The following GOLGA2 variants were observed in gnomAD, a reference collection of about 807,000 sequenced individuals.
GOLGA2 encodes the protein golgin subfamily A member 2.
A neutral mutation model predicts 148.8 loss-of-function variants in GOLGA2; 49 were observed. The observed-to-expected ratio is 0.33, with a 90% CI of 0.26 to 0.42. The LOEUF is 0.42. Ranked by LOEUF, GOLGA2 falls within the 10% of genes least tolerant of loss-of-function variation. The probability of loss-of-function intolerance (pLI) is 1.00; values close to 1 mark genes in which losing one functional copy is unlikely to be tolerated. For missense variants in GOLGA2, 1,178 were observed against 1,304.6 expected, an observed-to-expected ratio of 0.90 and a Z score of 1.49; for synonymous variants, 501 against 511.8, an observed-to-expected ratio of 0.98 and a Z score of 0.28.
At position 128,271,706 on chromosome 9, in the gene GOLGA2, T is replaced by TC. The variant is rs916441183; in HGVS notation, c.288+1078dup. 6.6e-5 allele frequency among the ~76,000 whole-genome samples: 10 copies of TC among 151,784 alleles called. No individual in the cohort carries two copies. The highest frequency in any genetic ancestry group is 2.2e-4 in the African/African-American group (9 of 41,302). Reference sequence around the variant, plus strand: ...GCCTGGAGTCCATTTGGAACCAACCTCCCCCCGAGCTGAGCATTTGGAATG... The same window carrying TC: ...GCCTGGAGTCCATTTGGAACCAACCTCCCCCCCGAGCTGAGCATTTGGAATG... On this transcript the variant is annotated intron_variant, in intron 3 of 26. Coordinates refer to ENST00000611957, the MANE Select transcript of GOLGA2 (RefSeq NM_001366244.2). The surrounding 1 kb of genome is among the most constrained non-coding windows in gnomAD (Gnocchi z 4.4).
intron 4 of GOLGA2, 65 bp from the exon 5 acceptor site, chr9:128,268,225 G>C (rs1174992570): frequency 7.1e-7 from 1 of 1,410,542 alleles, no homozygotes; most frequent in Admixed American, 1.7e-5. Flanking sequence ...AGGATGGGGT[G>C]AGTCAAGCTC....
At position 128,266,403 on chromosome 9, in the gene GOLGA2, G is replaced by A; in HGVS notation, c.643-78C>T. On this transcript the variant is annotated intron_variant, in intron 8 of 26. Coordinates refer to ENST00000611957, the MANE Select transcript of GOLGA2 (RefSeq NM_001366244.2). This position sits in a 1 kb window ranked among gnomAD's most constrained non-coding sequence, Gnocchi z 4.2. ...TCCCCAGACCAGGAACGGGTAGGCA[G>A]GGGCCAGGAATGGATTTTAAAGGCA... 3 of 1,301,606 alleles carry A rather than the reference G, an allele frequency of 2.3e-6. No individual in the cohort carries two copies. In the South Asian group the frequency reaches 3.5e-5, roughly 15 times the overall value. The allele number at this position is 1,301,606 out of a possible 1,614,324, so 80.6% of individuals were successfully genotyped here. A position where few individuals can be genotyped will look rare whatever the true frequency, so the allele number is the denominator to read the frequency against.
In GOLGA2 at chr9:128,275,935, C is replaced by T; in HGVS notation, c.42G>A (p.Ser14=). ...QPRLPPRPAM[S]EETRQSKLAA... ...CCAATTTGCTCTGTCGGGTTTCTTC[C>T]GACATCGCGGGGCGGGGAGGGAGGC... is the stretch of plus-strand genomic sequence containing the variant. Residue 14 remains serine, a synonymous_variant, in exon 1 of 27, where the codon TCG becomes TCA. Coordinates refer to ENST00000611957, the MANE Select transcript of GOLGA2 (RefSeq NM_001366244.2). The T allele has an allele frequency of 3.1e-6, 5 of 1,593,734 alleles. No individual in the cohort carries two copies. Among genetic ancestry groups the T allele is most frequent in the Non-Finnish European group, 4.3e-6 (5 of 1,171,538 alleles).
Position 128,257,088 on chromosome 9 carries a change from CTCA to C in GOLGA2, c.3066_3068del (p.Asp1022del), listed in dbSNP as rs1281807636. Reference sequence around the variant, plus strand: ...GCTTTTAGATGACAGTGATCTTCACCTCATCATTCTCGTCAGCCCGGTAAAAAA... The same window carrying C: ...GCTTTTAGATGACAGTGATCTTCACCTCATTCTCGTCAGCCCGGTAAAAAA... On this transcript the variant is annotated inframe_deletion, in exon 27 of 27. Coordinates refer to ENST00000611957, the MANE Select transcript of GOLGA2 (RefSeq NM_001366244.2). The surrounding 1 kb of genome is among the most constrained non-coding windows in gnomAD (Gnocchi z 8.0). The C allele has an allele frequency of 6.2e-7, 1 of 1,613,488 alleles. No individual in the cohort carries two copies. Among genetic ancestry groups the C allele is most frequent in the Admixed American group, 1.7e-5 (1 of 59,980 alleles).
intron 2 of GOLGA2, chr9:128,273,598 A>C (rs1831094237): frequency 3.7e-6 from 2 of 539,658 alleles, no homozygotes; most frequent in Admixed American, 6.8e-5. Flanking sequence ...CTAGGGATTA[A>C]CATAAAAACA....
At position 128,259,229 on chromosome 9, in the gene GOLGA2, G is replaced by C; in HGVS notation, c.2035C>G (p.Gln679Glu). 1 of 1,594,686 alleles carries C rather than the reference G, an allele frequency of 6.3e-7. No individual in the cohort carries two copies. The highest frequency in any genetic ancestry group is 8.5e-7 in the Non-Finnish European group (1 of 1,170,990). ...LQTQLVDQLQ[Q>E]QEAQGKAVAE... ...ACCGCTTTGCCCTGAGCTTCCTGCT[G>C]CTGCAGCTGGTCCACGAGCTGGGTC... The change falls in exon 20 of 27, where the codon CAG becomes GAG. Residue 679 changes from glutamine (Q) to glutamate (E), a missense_variant. Physicochemically the swap from Gln to Glu is conservative, Grantham distance 29. Transcript: ENST00000611957.
rs972646356 is a variant in GOLGA2 at position 128,261,989 on chromosome 9, A to C, written c.1135-232T>G. 1 of 516,690 alleles carries C rather than the reference A, an allele frequency of 1.9e-6. No individual in the cohort carries two copies. The allele number at this position is 516,690 out of a possible 1,614,324, so 32.0% of individuals were successfully genotyped here. A position where few individuals can be genotyped will look rare whatever the true frequency, so the allele number is the denominator to read the frequency against. On this transcript the variant is annotated intron_variant, in intron 14 of 26. Coordinates refer to ENST00000611957, the MANE Select transcript of GOLGA2 (RefSeq NM_001366244.2). This position sits in a 1 kb window ranked among gnomAD's most constrained non-coding sequence, Gnocchi z 5.7. The stretch of plus-strand genomic sequence containing the variant: ...GAGGCTGAGGTGGGTGGATTGCTTG[A>C]GCTCAGGAGTTCAAGACCAACCTCG...
At chr9:128,262,903 C>A (rs144307788) in intron 13 of GOLGA2, 131 bp downstream of exon 13, 195 of 816,430 alleles carry the variant, frequency 2.4e-4, no homozygotes, top group Non-Finnish European at 3.6e-4. Context: ...ACAGCTGGCA[C>A]TAGAGCTTTG....
Position 128,266,169 on chromosome 9 carries a change from G to T in GOLGA2, c.681+118C>A, listed in dbSNP as rs913528018. Reference sequence around the variant, plus strand: ...ACCCTGTGGGGATGGGGTGGAATCTGGGGGGGTGAGCCTTCTTCCCCAGGC... The same window carrying T: ...ACCCTGTGGGGATGGGGTGGAATCTTGGGGGGTGAGCCTTCTTCCCCAGGC... On this transcript the variant is annotated intron_variant, in intron 9 of 26. Coordinates refer to ENST00000611957, the MANE Select transcript of GOLGA2 (RefSeq NM_001366244.2). The surrounding 1 kb of genome is among the most constrained non-coding windows in gnomAD (Gnocchi z 4.2). The T allele has an allele frequency of 7.4e-7, 1 of 1,350,242 alleles. No homozygotes were observed. The highest frequency in any genetic ancestry group is 1.1e-6 in the Non-Finnish European group (1 of 941,404). 83.6% of individuals were successfully genotyped at this position (1,350,242 alleles called of 1,614,324 possible). A position where few individuals can be genotyped will look rare whatever the true frequency, so the allele number is the denominator to read the frequency against.
At chr9:128,265,903 A>G in intron 10 of GOLGA2, 22 bp from the exon 11 acceptor site, 2 of 1,607,396 alleles carry the variant, frequency 1.2e-6, no homozygotes, top group East Asian at 2.2e-5. Context: ...AACCCAAGCA[A>G]GTGCTGAAAA....
rs1356344265 is a variant in GOLGA2 at position 128,258,015 on chromosome 9, G to T, written c.2473C>A (p.His825Asn). ...TCCATGGCCCCCTGCAGGGCCCGGTGGGTCTCCCCACACACAGAATCACCC... is the reference window on the plus strand; with the variant it reads ...TCCATGGCCCCCTGCAGGGCCCGGTTGGTCTCCCCACACACAGAATCACCC... ...TGGDSVCGET[H>N]RALQGAMEKL... Residue 825 changes from histidine (H) to asparagine (N), a missense_variant, in exon 23 of 27, where the codon CAC becomes AAC. His to Asn is a moderately conservative substitution (Grantham distance 68). This residue lies in a region of GOLGA2 where 529 missense variants were observed against 521.8 expected (regional missense o/e 1.01). Transcript: ENST00000611957. This position sits in a 1 kb window ranked among gnomAD's most constrained non-coding sequence, Gnocchi z 6.6. 2 of 1,610,014 alleles carry T rather than the reference G, an allele frequency of 1.2e-6. No homozygotes were observed. Among genetic ancestry groups the T allele is most frequent in the Non-Finnish European group, 1.7e-6 (2 of 1,177,876 alleles).
rs1199955688 is a variant in GOLGA2, at chr9:128,258,440, G to A, written c.2289+15C>T. ...AGGGAGGCAGCAAAGGTTGGGGAGGGGGAGTCAGCCTCACCATGGCTTCCC... is the reference window on the plus strand; with the variant it reads ...AGGGAGGCAGCAAAGGTTGGGGAGGAGGAGTCAGCCTCACCATGGCTTCCC... On this transcript the variant is annotated intron_variant, in intron 22 of 26. Coordinates refer to ENST00000611957, the MANE Select transcript of GOLGA2 (RefSeq NM_001366244.2). The surrounding 1 kb of genome is among the most constrained non-coding windows in gnomAD (Gnocchi z 6.6). The A allele has an allele frequency of 1.2e-6, 2 of 1,600,086 alleles. No homozygotes were observed. Among genetic ancestry groups the A allele is most frequent in the Non-Finnish European group, 1.7e-6 (2 of 1,167,754 alleles).
Position 128,256,998 on chromosome 9 carries a change from T to G in GOLGA2, c.*69A>C. On this transcript the variant is annotated 3_prime_UTR_variant, in exon 27 of 27. Transcript: ENST00000611957. ...GGGTAAAGGGTTGACTGAGAAGGGA[T>G]GGTAGGGATATGGTGGGGGCAGGGT... The G allele has an allele frequency of 8.8e-7, 1 of 1,136,616 alleles. No individual in the cohort carries two copies. The highest frequency in any genetic ancestry group is 1.3e-6 in the Non-Finnish European group (1 of 765,436). The allele number at this position is 1,136,616 out of a possible 1,614,324, so 70.4% of individuals were successfully genotyped here.
chr9:128,257,451 C>A lies in GOLGA2; in HGVS notation c.2793G>T (p.Leu931=). 1.9e-6 allele frequency: 3 copies of A among 1,613,070 alleles called. No homozygotes were observed. The highest frequency in any genetic ancestry group is 2.5e-6 in the Non-Finnish European group (3 of 1,180,004). The change falls in exon 26 of 27, where the codon CTG becomes CTT. Residue 931 remains leucine (L), a synonymous_variant. Transcript: ENST00000611957. This position sits in a 1 kb window ranked among gnomAD's most constrained non-coding sequence, Gnocchi z 8.0. ...GDRNEWHGRF[L]AAAQNPADEP... ...CATCAGCAGGGTTCTGGGCAGCTGC[C>A]AGGAATCTGCCATGCCACTCGTTGC...
Position 128,261,093 on chromosome 9 carries a change from A to G in GOLGA2, c.1420+79T>C. On this transcript the variant is annotated intron_variant, in intron 17 of 26. Transcript: ENST00000611957. This position sits in a 1 kb window ranked among gnomAD's most constrained non-coding sequence, Gnocchi z 5.7. ...GCCTCAAAGCCATTCCATCCACCCA[A>G]CTCCCTGGGGCATTCTAAACCACCC... is the stretch of plus-strand genomic sequence containing the variant. The G allele has an allele frequency of 3.1e-6, 3 of 969,970 alleles. No individual in the cohort carries two copies. Among genetic ancestry groups the G allele is most frequent in the South Asian group, 1.3e-5 (1 of 76,532 alleles). The allele number at this position is 969,970 out of a possible 1,614,324, so 60.1% of individuals were successfully genotyped here.
chr9:128,260,480 G>T lies in GOLGA2; in HGVS notation c.1743C>A (p.Ser581Arg), dbSNP rs751085984. ...GGCAGCGCACCAGCTTTACAAATCC[G>T]CTCTGCAGCTCAGCCAGCTGCTCCT... ...ELKEQLAELQ[S>R]GFVKLTNENM... The change falls in exon 18 of 27, where the codon AGC (serine) becomes AGA (arginine). Residue 581 changes from serine (S) to arginine (R), a missense_variant. By Grantham distance (110) the Ser-to-Arg change is moderately radical. Transcript: ENST00000611957. This position sits in a 1 kb window ranked among gnomAD's most constrained non-coding sequence, Gnocchi z 4.8. The T allele has an allele frequency of 6.2e-7, 1 of 1,610,344 alleles. No individual in the cohort carries two copies.
In GOLGA2 at chr9:128,261,128, T is replaced by A. The variant is rs1273878200; in HGVS notation, c.1420+44A>T. 1 of 1,343,356 alleles carries A rather than the reference T, an allele frequency of 7.4e-7. No homozygotes were observed. The highest frequency in any genetic ancestry group is 1.7e-5 in the Admixed American group (1 of 59,618). 83.2% of individuals were successfully genotyped at this position (1,343,356 alleles called of 1,614,324 possible). A position where few individuals can be genotyped will look rare whatever the true frequency, so the allele number is the denominator to read the frequency against. ...GCATTCTAAACCACCCCCACAACCC[T>A]CTGACACCATTCCTGCTCCCAGGTC... is the stretch of plus-strand genomic sequence containing the variant. On this transcript the variant is annotated intron_variant, in intron 17 of 26. Transcript: ENST00000611957. This position sits in a 1 kb window ranked among gnomAD's most constrained non-coding sequence, Gnocchi z 5.7.
In GOLGA2 at chr9:128,261,995, G is replaced by A. The variant is rs1375866395; in HGVS notation, c.1135-238C>T. The stretch of plus-strand genomic sequence containing the variant: ...GAGGTGGGTGGATTGCTTGAGCTCA[G>A]GAGTTCAAGACCAACCTCGGCAACA... On this transcript the variant is annotated intron_variant, in intron 14 of 26. Coordinates refer to ENST00000611957, the MANE Select transcript of GOLGA2 (RefSeq NM_001366244.2). This position sits in a 1 kb window ranked among gnomAD's most constrained non-coding sequence, Gnocchi z 5.7. 2.0e-6 allele frequency: 1 copy of A among 507,786 alleles called. No homozygotes were observed. Among genetic ancestry groups the A allele is most frequent in the Non-Finnish European group, 3.5e-6 (1 of 284,644 alleles). 31.5% of individuals were successfully genotyped at this position (507,786 alleles called of 1,614,324 possible). A position where few individuals can be genotyped will look rare whatever the true frequency, so the allele number is the denominator to read the frequency against.
Position 128,263,016 on chromosome 9 carries a change from C to T in GOLGA2, c.992+18G>A, listed in dbSNP as rs1830368445. 6.3e-7 allele frequency: 1 copy of T among 1,583,770 alleles called. No homozygotes were observed. Among genetic ancestry groups the T allele is most frequent in the Non-Finnish European group, 8.7e-7 (1 of 1,152,444 alleles). ...CTGAGGGCCCCCAGACCTCCCATCC[C>T]ACCATCCCCCATCCTACGTGTTCTT... On this transcript the variant is annotated intron_variant, in intron 13 of 26. Coordinates refer to ENST00000611957, the MANE Select transcript of GOLGA2 (RefSeq NM_001366244.2).
Sources: allele counts gnomAD v4.1 joint callset (sites outside exome capture counted in the v4.1 genomes callset), GRCh38; gene constraint gnomAD v4.1.1; regional missense constraint gnomAD v4.1.1; non-coding constraint Gnocchi (gnomAD v3.1); transcripts MANE v1.5; gene names NCBI Gene and HGNC (gene_info 2026-07-23, HGNC 2026-07-21).